The following NSD2 variants were observed in gnomAD, a reference collection of about 807,000 sequenced individuals.
NSD2 encodes histone-lysine N-methyltransferase NSD2.
In NSD2, 12 loss-of-function variants were observed where a neutral mutation model predicts 139.0. The observed-to-expected ratio is 0.09, with a 90% CI of 0.06 to 0.14. The LOEUF (loss-of-function observed/expected upper bound fraction) is 0.14. Among genes scored for constraint, NSD2 ranks in the 10% least tolerant of loss-of-function variants. The pLI is 1.00. For synonymous variants in NSD2, 669 were observed against 648.7 expected (o/e 1.03, Z -0.48); for missense variants, 1,155 against 1,745.0 (o/e 0.66, Z 6.02).
At position 1,939,787 on chromosome 4, in the gene NSD2, A is replaced by T. The variant is rs767417151; in HGVS notation, c.1881+9A>T. On this transcript the variant is annotated intron_variant, in intron 9 of 21. Coordinates refer to ENST00000508803, the MANE Select transcript of NSD2 (RefSeq NM_001042424.3). ...CCTTAACTGAGAATGAGGTAAAATA[A>T]TAATAATAACGATAACCATGGCATT... The T allele has an allele frequency of 3.7e-5, 60 of 1,614,094 alleles. No individual in the cohort carries two copies. The Admixed American group carries it at 9.7e-4, about 26-fold the overall frequency.
At chr4:1,892,942 A>G (rs1715713291) in intron 1 of NSD2, 1 of 152,134 alleles carries the variant, frequency 6.6e-6, no homozygotes, top group Non-Finnish European at 1.5e-5. Context: ...GAGTGCTCAA[A>G]TATTTTCATC....
chr4:1,872,414 C>A (rs1032839100), intron 1 of NSD2, among the ~76,000 whole-genome samples: 1 of 152,152 alleles, frequency 6.6e-6, no homozygotes, highest in Non-Finnish European at 1.5e-5. Context: ...TCTTAAGTTT[C>A]GGTAGAAATA....
chr4:1,980,347 C>T lies in NSD2; in HGVS notation c.*1438C>T, dbSNP rs1215243712. 3.0e-5 allele frequency: 7 copies of T among 233,140 alleles called. No homozygotes were observed. The highest frequency in any genetic ancestry group is 1.1e-4 in the African/African-American group (5 of 45,330). 14.4% of individuals were successfully genotyped at this position (233,140 alleles called of 1,614,324 possible). ...GGGGCACCATGTGTGCCTTTGCCCACGTGTCCTGAGGGGCTGCTTGTCTGG... is the reference window on the plus strand; with the variant it reads ...GGGGCACCATGTGTGCCTTTGCCCATGTGTCCTGAGGGGCTGCTTGTCTGG... On this transcript the variant is annotated 3_prime_UTR_variant, in exon 22 of 22. Coordinates refer to ENST00000508803, the MANE Select transcript of NSD2 (RefSeq NM_001042424.3).
Position 1,948,360 on chromosome 4 carries a change from G to C in NSD2, c.1882-2712G>C. The C allele has an allele frequency of 9.4e-7, 1 of 1,066,238 alleles. No homozygotes were observed. Among genetic ancestry groups the C allele is most frequent in the Non-Finnish European group, 1.1e-6 (1 of 878,884 alleles). The allele number at this position is 1,066,238 out of a possible 1,614,324, so 66.0% of individuals were successfully genotyped here. ...TTTGGGACTATGTTGGGACCGTACA[G>C]GTGAATGTGCCACCTCCACAAATGG... On this transcript the variant is annotated intron_variant, in intron 9 of 21. Coordinates refer to ENST00000508803, the MANE Select transcript of NSD2 (RefSeq NM_001042424.3). The surrounding 1 kb of genome is among the most constrained non-coding windows in gnomAD (Gnocchi z 4.5).
intron 1 of NSD2, among the ~76,000 whole-genome samples, chr4:1,885,837 G>A (rs1338906214): frequency 2.6e-5 from 4 of 152,064 alleles, no homozygotes; most frequent in Non-Finnish European, 5.9e-5. Flanking sequence ...TCCAGGCGCA[G>A]GAATGATATA....
chr4:1,981,954 T>C lies in NSD2; in HGVS notation c.*3045T>C. ...GTCAGAAATTAAATACAAACTTAAA[T>C]GTGCCTATTGGTGTCTAAACTTCAT... On this transcript the variant is annotated 3_prime_UTR_variant, in exon 22 of 22. Coordinates refer to ENST00000508803, the MANE Select transcript of NSD2 (RefSeq NM_001042424.3). The C allele has an allele frequency of 2.5e-6, 1 of 398,612 alleles. No individual in the cohort carries two copies. Among genetic ancestry groups the C allele is most frequent in the Non-Finnish European group, 4.4e-6 (1 of 226,058 alleles). The allele number at this position is 398,612 out of a possible 1,614,324, so 24.7% of individuals were successfully genotyped here. A position where few individuals can be genotyped will look rare whatever the true frequency, so the allele number is the denominator to read the frequency against.
At chr4:1,879,647 T>TGTA (rs1714557240) in intron 1 of NSD2, among the ~76,000 whole-genome samples, 1 of 152,172 alleles carries the variant, frequency 6.6e-6, no homozygotes, top group South Asian at 2.1e-4. Context: ...TCATGCTGCC[T>TGTA]GTAGCTCTTG....
At chr4:1,952,050 G>C in intron 10 of NSD2, 58 bp from the exon 11 acceptor site, 3 of 1,579,292 alleles carry the variant, frequency 1.9e-6, no homozygotes, top group South Asian at 2.3e-5. Flanking sequence ...TTCCCTTGTG[G>C]TAAGAGGTGC....
chr4:1,889,087 G>A (rs944333100), intron 1 of NSD2, among the ~76,000 whole-genome samples: 2 of 151,476 alleles, frequency 1.3e-5, no homozygotes, highest in African/African-American at 2.4e-5. Flanking sequence ...TAGTAGAGAC[G>A]AGGTTTCGCC....
chr4:1,955,953 T>C lies in NSD2; in HGVS notation c.2676-30T>C, dbSNP rs770268966. The C allele has an allele frequency of 6.2e-7, 1 of 1,612,646 alleles. No individual in the cohort carries two copies. On this transcript the variant is annotated intron_variant, in intron 14 of 21. Coordinates refer to ENST00000508803, the MANE Select transcript of NSD2 (RefSeq NM_001042424.3). This position sits in a 1 kb window ranked among gnomAD's most constrained non-coding sequence, Gnocchi z 4.7. ...TTATTATCGCTGTCTCTGAGGAGTCTGTGAATCCTGTTTTTAATATTTATA... is the reference window on the plus strand; with the variant it reads ...TTATTATCGCTGTCTCTGAGGAGTCCGTGAATCCTGTTTTTAATATTTATA...
chr4:1,906,786 G>C (rs957152595), intron 3 of NSD2, among the ~76,000 whole-genome samples: 3 of 149,730 alleles, frequency 2.0e-5, no homozygotes, highest in African/African-American at 7.4e-5. Flanking sequence ...TCAGCTTCCT[G>C]AGTAGCTGGG....
chr4:1,879,189 AT>A (rs1714519097), intron 1 of NSD2, among the ~76,000 whole-genome samples: 1 of 152,066 alleles, frequency 6.6e-6, no homozygotes, highest in African/African-American at 2.4e-5. Flanking sequence ...ATGTAAATAT[AT>A]ACAACACTTT....
chr4:1,893,912 G>A (rs530016240), intron 1 of NSD2: 2 of 152,180 alleles, frequency 1.3e-5, no homozygotes, highest in African/African-American at 4.8e-5. Context: ...GGCACGAGGT[G>A]GGCATTTATT....
intron 3 of NSD2, among the ~76,000 whole-genome samples, chr4:1,905,446 G>A (rs1199940581): frequency 6.6e-6 from 1 of 152,228 alleles, no homozygotes; most frequent in Non-Finnish European, 1.5e-5. Context: ...GCCCCTTGGT[G>A]GTCCTTGCGT....
chr4:1,930,757 TGAA>T lies in NSD2; in HGVS notation c.1548_1550del (p.Glu516del). The stretch of plus-strand genomic sequence containing the variant: ...TTGCCCTGGTGGCCCCTGTCCAGGC[TGAA>T]GAAGACTCTGGTAAACATAGCATTA... On this transcript the variant is annotated inframe_deletion, in exon 6 of 22. Coordinates refer to ENST00000508803, the MANE Select transcript of NSD2 (RefSeq NM_001042424.3). 1 of 1,613,368 alleles carries T rather than the reference TGAA, an allele frequency of 6.2e-7. No homozygotes were observed. The highest frequency in any genetic ancestry group is 8.5e-7 in the Non-Finnish European group (1 of 1,179,722).
intron 18 of NSD2, among the ~76,000 whole-genome samples, chr4:1,971,681 G>C (rs1726497799): frequency 6.6e-6 from 1 of 152,206 alleles, no homozygotes; most frequent in South Asian, 2.1e-4. Flanking sequence ...TGGGACCTGT[G>C]AGGGTGTGTG....
intron 18 of NSD2, among the ~76,000 whole-genome samples, chr4:1,966,781 C>T (rs900350122): frequency 6.6e-6 from 1 of 151,926 alleles, no homozygotes; most frequent in Admixed American, 6.6e-5. Flanking sequence ...TCATGTATTA[C>T]TAGTTTTACT....
chr4:1,878,415 C>CT (rs913288035), intron 1 of NSD2, among the ~76,000 whole-genome samples: 1 of 151,580 alleles, frequency 6.6e-6, no homozygotes, highest in Non-Finnish European at 1.5e-5. Context: ...GCCAAAAAAA[C>CT]TTTTTTTAAT....
Position 1,951,103 on chromosome 4 carries a change from A to T in NSD2, c.1913A>T (p.Glu638Val). 6.2e-7 allele frequency: 1 copy of T among 1,614,188 alleles called. No individual in the cohort carries two copies. Among genetic ancestry groups the T allele is most frequent in the South Asian group, 1.1e-5 (1 of 91,088 alleles). Residue 638 changes from glutamate (E) to valine (V), a missense_variant, in exon 10 of 22, where the codon GAG (glutamate) becomes GTG (valine). By Grantham distance (121) the Glu-to-Val change is moderately radical (BLOSUM62 -2). This residue lies in a region of NSD2 where 420 missense variants were observed against 469.0 expected (regional missense o/e 0.90). Transcript: ENST00000508803. ...GACAGCCCGGGAGACGAGCCCTCGGAGTCCCCATACGAAAGTGCAGACGAA... is the reference window on the plus strand; with the variant it reads ...GACAGCCCGGGAGACGAGCCCTCGGTGTCCCCATACGAAAGTGCAGACGAA... ...VSDSPGDEPS[E>V]SPYESADETQ... is the part of the protein sequence containing the mutation.
Sources: gnomAD v4.1 joint callset for allele counts (sites outside exome capture counted in the v4.1 genomes callset) on GRCh38, gnomAD v4.1.1 for gene constraint, gnomAD v4.1.1 regional missense constraint, Gnocchi (gnomAD v3.1) non-coding constraint, MANE v1.5 for transcripts, NCBI Gene and HGNC (gene_info 2026-07-23, HGNC 2026-07-21) for gene names.